The following OSBP2 variants were observed in gnomAD, a reference collection of about 807,000 sequenced individuals.
OSBP2 encodes the protein oxysterol-binding protein 2.
OSBP2 carries 66 observed loss-of-function variants against 96.0 expected under a neutral mutation model. The observed-to-expected ratio is 0.69, with a 90% CI of 0.56 to 0.84. The LOEUF is 0.84. Ranked by LOEUF, OSBP2 falls within the 40% of genes least tolerant of loss-of-function variation. The pLI is 0.00. For missense variants in OSBP2, 1,038 were observed against 1,222.7 expected, an observed-to-expected ratio of 0.85 and a Z score of 2.25; for synonymous variants, 525 against 520.9, an observed-to-expected ratio of 1.01 and a Z score of -0.11.
intron 1 of OSBP2, among the ~76,000 whole-genome samples, chr22:30,717,090 T>TTGTGTGTG (rs35377469): frequency 0.02 from 2,347 of 118,352 alleles, 51 homozygotes; most frequent in Non-Finnish European, 0.03. Context: ...TTTACTGTTT[T>TTGTGTGTG]TGTGTGTGTG....
chr22:30,755,105 G>A (rs778635285), intron 2 of OSBP2, among the ~76,000 whole-genome samples: 2 of 152,158 alleles, frequency 1.3e-5, no homozygotes, highest in African/African-American at 2.4e-5. Context: ...CAGCTCACTT[G>A]TGTCCCCCTG....
At chr22:30,882,489 C>T (rs930783718) in intron 3 of OSBP2, among the ~76,000 whole-genome samples, 32 of 147,856 alleles carry the variant, frequency 2.2e-4, no homozygotes, top group Non-Finnish European at 4.6e-4. Context: ...TCATTTCCTC[C>T]TCGGTCATGC....
At position 30,842,930 on chromosome 22, in the gene OSBP2, C is replaced by T. The variant is rs934335271; in HGVS notation, c.854-27499C>T. On this transcript the variant is annotated intron_variant, in intron 2 of 13. Coordinates refer to ENST00000332585, the MANE Select transcript of OSBP2 (RefSeq NM_030758.4). ...GAGCAGCTGGGATTACAGGAGTGTG[C>T]CACCACACCTGGCTAATTTTTATTT... 2.6e-5 allele frequency among the ~76,000 whole-genome samples: 4 copies of T among 152,090 alleles called. No homozygotes were observed. The South Asian group carries it at 8.3e-4, about 32-fold the overall frequency.
At chr22:30,715,204 G>T (rs1285477735) in intron 1 of OSBP2, among the ~76,000 whole-genome samples, 1 of 151,748 alleles carries the variant, frequency 6.6e-6, no homozygotes, top group African/African-American at 2.4e-5. Context: ...GCCCAACAAT[G>T]TTTCTTAAAG....
intron 2 of OSBP2, among the ~76,000 whole-genome samples, chr22:30,791,141 A>T (rs1448478493): frequency 1.3e-5 from 2 of 150,754 alleles, no homozygotes; most frequent in African/African-American, 4.9e-5. Context: ...ATGCCCAGCT[A>T]ATTTTGTATT....
intron 3 of OSBP2, among the ~76,000 whole-genome samples, chr22:30,876,624 C>A (rs1269929608): frequency 6.6e-6 from 1 of 152,234 alleles, no homozygotes; most frequent in Non-Finnish European, 1.5e-5. Flanking sequence ...GGTGGCAGTT[C>A]CCCCAACACC....
chr22:30,903,985 G>T (rs1208311965), intron 12 of OSBP2, among the ~76,000 whole-genome samples: 3 of 152,216 alleles, frequency 2.0e-5, no homozygotes, highest in Non-Finnish European at 4.4e-5. Flanking sequence ...GACACACTTG[G>T]TTGTTCCCAT....
At chr22:30,827,799 G>T (rs2038434569) in intron 2 of OSBP2, among the ~76,000 whole-genome samples, 2 of 152,150 alleles carry the variant, frequency 1.3e-5, no homozygotes, top group Admixed American at 6.5e-5. Flanking sequence ...TGGAATAAGG[G>T]GAAAGTGGGA....
chr22:30,875,694 G>A (rs535552243), intron 3 of OSBP2, among the ~76,000 whole-genome samples: 1 of 152,322 alleles, frequency 6.6e-6, no homozygotes, highest in African/African-American at 2.4e-5. Flanking sequence ...TTTCTAGCCG[G>A]ACTCAGAGGG....
intron 1 of OSBP2, among the ~76,000 whole-genome samples, chr22:30,700,738 A>G (rs1602140150): frequency 6.6e-6 from 1 of 152,112 alleles, no homozygotes; most frequent in African/African-American, 2.4e-5. Flanking sequence ...AATGCCTCCC[A>G]GAAATTAGCC....
In OSBP2 at chr22:30,720,083, T is replaced by C. The variant is rs909671524; in HGVS notation, c.645-21078T>C. Reference sequence around the variant, plus strand: ...GGTTTCCGTGCAACCTCTGTCCTCATTGGGATATTTCTCTGTCCCACACAG... The same window carrying C: ...GGTTTCCGTGCAACCTCTGTCCTCACTGGGATATTTCTCTGTCCCACACAG... On this transcript the variant is annotated intron_variant, in intron 1 of 13. Coordinates refer to ENST00000332585, the MANE Select transcript of OSBP2 (RefSeq NM_030758.4). Among the ~76,000 whole-genome samples the C allele has an allele frequency of 3.3e-5, 5 of 152,226 alleles. No homozygotes were observed. The East Asian group carries it at 7.7e-4, about 23-fold the overall frequency.
In OSBP2 at chr22:30,858,649, C is replaced by T. The variant is rs186009679; in HGVS notation, c.854-11780C>T. On this transcript the variant is annotated intron_variant, in intron 2 of 13. Coordinates refer to ENST00000332585, the MANE Select transcript of OSBP2 (RefSeq NM_030758.4). ...ATCCCAGTACTTTGGGAGGCTGAGGCGGGCAAATCACCTGAGGTCAGGAGT... is the reference window on the plus strand; with the variant it reads ...ATCCCAGTACTTTGGGAGGCTGAGGTGGGCAAATCACCTGAGGTCAGGAGT... Among the ~76,000 whole-genome samples the T allele has an allele frequency of 9.9e-3, 1,499 of 151,338 alleles. 26 individuals carry two copies. Among genetic ancestry groups the T allele is most frequent in the African/African-American group, 0.035 (1,433 of 41,276 alleles).
At chr22:30,860,777 G>A (rs2039194759) in intron 2 of OSBP2, among the ~76,000 whole-genome samples, 1 of 152,200 alleles carries the variant, frequency 6.6e-6, no homozygotes, top group Non-Finnish European at 1.5e-5. Flanking sequence ...GGTAGGCTGG[G>A]TGTTCTGCCG....
intron 2 of OSBP2, among the ~76,000 whole-genome samples, chr22:30,852,184 T>G (rs2038990046): frequency 6.6e-6 from 1 of 152,204 alleles, no homozygotes; most frequent in African/African-American, 2.4e-5. Flanking sequence ...ATAGGATGAT[T>G]GTGAATTGTT....
At chr22:30,760,613 C>T (rs2090194745) in intron 2 of OSBP2, among the ~76,000 whole-genome samples, 1 of 152,048 alleles carries the variant, frequency 6.6e-6, no homozygotes, top group Non-Finnish European at 1.5e-5. Context: ...GTCAGGAGTT[C>T]AAGAGCAGCT....
At chr22:30,779,794 A>T (rs2090490766) in intron 2 of OSBP2, among the ~76,000 whole-genome samples, 1 of 152,284 alleles carries the variant, frequency 6.6e-6, no homozygotes, top group African/African-American at 2.4e-5. Flanking sequence ...GTCCAGCCTC[A>T]TGCTTGAGGT....
At chr22:30,865,760 G>A (rs531727273) in intron 2 of OSBP2, among the ~76,000 whole-genome samples, 3 of 151,974 alleles carry the variant, frequency 2.0e-5, no homozygotes, top group Admixed American at 6.5e-5. Context: ...GCCACACACC[G>A]GGTGGTTACC....
intron 1 of OSBP2, among the ~76,000 whole-genome samples, chr22:30,714,192 A>G (rs2089406441): frequency 6.6e-6 from 1 of 152,158 alleles, no homozygotes; most frequent in East Asian, 1.9e-4. Flanking sequence ...TGTTTTACTT[A>G]ACATAATGTT....
At chr22:30,742,570 A>C (rs1253608041) in intron 2 of OSBP2, among the ~76,000 whole-genome samples, 1 of 152,164 alleles carries the variant, frequency 6.6e-6, no homozygotes, top group African/African-American at 2.4e-5. Flanking sequence ...GTATATTCAA[A>C]TAGGTACTTA....
Sources: gnomAD v4.1 joint callset for allele counts (sites outside exome capture counted in the v4.1 genomes callset) on GRCh38, gnomAD v4.1.1 for gene constraint, MANE v1.5 for transcripts, NCBI Gene and HGNC (gene_info 2026-07-23, HGNC 2026-07-21) for gene names.